The following CHSY3 variants were observed in gnomAD, a reference collection of about 807,000 sequenced individuals.
CHSY3 encodes N-acetylgalactosaminyl-proteoglycan 3-beta-glucuronosyltransferase 3.
CHSY3 carries 35 observed loss-of-function variants against 67.2 expected under a neutral mutation model. That is an observed-to-expected ratio of 0.52 (90% CI 0.40 to 0.69). The LOEUF (loss-of-function observed/expected upper bound fraction) is 0.69. Among genes scored for constraint, CHSY3 ranks in the 30% least tolerant of loss-of-function variants. CHSY3 has a pLI of 0.00. For synonymous variants in CHSY3, 474 were observed against 434.7 expected (o/e 1.09, Z -1.12); for missense variants, 1,069 against 1,138.5 (o/e 0.94, Z 0.88).
chr5:130,138,380 A>G (rs912641199), intron 2 of CHSY3, among the ~76,000 whole-genome samples: 1 of 152,200 alleles, frequency 6.6e-6, no homozygotes, highest in Non-Finnish European at 1.5e-5. Context: ...CTTTGTCCAG[A>G]ATGCCGGTGG....
chr5:130,159,074 A>T (rs548053489), intron 2 of CHSY3, among the ~76,000 whole-genome samples: 1 of 151,994 alleles, frequency 6.6e-6, no homozygotes, highest in Non-Finnish European at 1.5e-5. Context: ...TGCTGGGATT[A>T]CAGGCGTGAA....
chr5:130,132,148 C>G (rs369400901), intron 2 of CHSY3, among the ~76,000 whole-genome samples: 11 of 152,246 alleles, frequency 7.2e-5, no homozygotes, highest in African/African-American at 2.6e-4. Context: ...AGAATGTAAG[C>G]TCCATAGAGG....
chr5:130,106,042 T>C (rs1047343391), intron 2 of CHSY3, among the ~76,000 whole-genome samples: 3 of 151,782 alleles, frequency 2.0e-5, no homozygotes, highest in African/African-American at 7.2e-5. Flanking sequence ...GAAAATATTT[T>C]ACTCTAATAT....
chr5:129,927,728 G>T (rs1761163690), intron 2 of CHSY3, among the ~76,000 whole-genome samples: 1 of 151,866 alleles, frequency 6.6e-6, no homozygotes, highest in Non-Finnish European at 1.5e-5. Context: ...ATTTACACTT[G>T]TATTTTTTTT....
chr5:129,914,287 T>G (rs1760668231), intron 2 of CHSY3, among the ~76,000 whole-genome samples: 1 of 152,132 alleles, frequency 6.6e-6, no homozygotes, highest in South Asian at 2.1e-4. Flanking sequence ...ACTTTGTATT[T>G]TTTTTAGTAG....
intron 2 of CHSY3, among the ~76,000 whole-genome samples, chr5:129,934,910 C>A (rs534991428): frequency 3.4e-4 from 51 of 152,200 alleles, no homozygotes; most frequent in African/African-American, 1.2e-3. Flanking sequence ...AAATTTGGCA[C>A]TCCGAAATGC....
At chr5:130,017,303 G>A (rs1391609926) in intron 2 of CHSY3, among the ~76,000 whole-genome samples, 1 of 152,082 alleles carries the variant, frequency 6.6e-6, no homozygotes, top group African/African-American at 2.4e-5. Context: ...CAGCTGCATG[G>A]TGATTGGAAT....
chr5:130,157,598 T>C (rs1208505008), intron 2 of CHSY3, among the ~76,000 whole-genome samples: 1 of 151,870 alleles, frequency 6.6e-6, no homozygotes, highest in East Asian at 1.9e-4. Flanking sequence ...TAAAAAAGAG[T>C]CAACCGAACA....
At chr5:130,089,430 A>G (rs1325944237) in intron 2 of CHSY3, among the ~76,000 whole-genome samples, 9 of 152,084 alleles carry the variant, frequency 5.9e-5, no homozygotes, top group African/African-American at 2.2e-4. Context: ...CAGAAACTTC[A>G]TTTTAATAGA....
chr5:130,151,761 G>T (rs1044603654), intron 2 of CHSY3, among the ~76,000 whole-genome samples: 1 of 151,970 alleles, frequency 6.6e-6, no homozygotes, highest in East Asian at 1.9e-4. Context: ...GAACATCATG[G>T]GGGTAACCGC....
At chr5:129,953,207 C>A (rs1212525360) in intron 2 of CHSY3, among the ~76,000 whole-genome samples, 1 of 152,106 alleles carries the variant, frequency 6.6e-6, no homozygotes, top group African/African-American at 2.4e-5. Flanking sequence ...TCAACTCCCA[C>A]TAATGAGTGA....
intron 2 of CHSY3, among the ~76,000 whole-genome samples, chr5:129,965,771 G>A (rs1405895468): frequency 6.6e-6 from 1 of 151,902 alleles, no homozygotes; most frequent in Non-Finnish European, 1.5e-5. Flanking sequence ...AGAAATTGTA[G>A]AGATGTCTCA....
At chr5:130,020,461 A>ATATATATATATATATATTTTTT (rs1371121130) in intron 2 of CHSY3, among the ~76,000 whole-genome samples, 1 of 79,934 alleles carries the variant, frequency 1.3e-5, no homozygotes, top group African/African-American at 6.1e-5. Flanking sequence ...ATATATATAT[A>ATATATATATATATATATTTTTT]TTTTTTTTTT....
intron 2 of CHSY3, among the ~76,000 whole-genome samples, chr5:130,050,657 A>G (rs890261824): frequency 6.6e-6 from 1 of 152,142 alleles, no homozygotes; most frequent in Non-Finnish European, 1.5e-5. Flanking sequence ...CTGCAATCAC[A>G]TAGAGTTGGG....
intron 2 of CHSY3, among the ~76,000 whole-genome samples, chr5:130,144,044 AGATT>A (rs1453723496): frequency 6.6e-6 from 1 of 150,988 alleles, no homozygotes; most frequent in East Asian, 1.9e-4. Context: ...GGGTGTCTAG[AGATT>A]GATTGTAATG....
intron 2 of CHSY3, among the ~76,000 whole-genome samples, chr5:130,082,581 T>C (rs1455318242): frequency 1.3e-5 from 2 of 152,060 alleles, no homozygotes; most frequent in African/African-American, 4.8e-5. Flanking sequence ...TGCTAATCTC[T>C]GGATTAATCT....
At chr5:130,146,848 C>T (rs958939788) in intron 2 of CHSY3, among the ~76,000 whole-genome samples, 3 of 152,082 alleles carry the variant, frequency 2.0e-5, no homozygotes, top group African/African-American at 4.8e-5. Context: ...GGCTGGAGTG[C>T]AATGGCGCGA....
In CHSY3 at chr5:130,184,534, A is replaced by G. The variant is rs142115736; in HGVS notation, c.1392A>G (p.Ile464Met). 1.4e-4 allele frequency: 223 copies of G among 1,610,010 alleles called. No homozygotes were observed. The African/African-American group carries it at 2.6e-3, about 19-fold the overall frequency. ...AGCCTCGGGAGAGAAATGAAGTGAT[A>G]GAATGGGAGTTCCTGACAGGGAAGC... ...HFQPRERNEV[I>M]EWEFLTGKLL... Residue 464 changes from isoleucine to methionine, a missense_variant, in exon 3 of 3, where the codon ATA (isoleucine) becomes ATG (methionine). Ile to Met is a conservative substitution (Grantham distance 10). Transcript: ENST00000305031.
rs202200455 is a variant in CHSY3 at position 130,021,562 on chromosome 5, CT to C, written c.1086+113210del. Among the ~76,000 whole-genome samples the C allele has an allele frequency of 4.3e-3, 658 of 151,872 alleles. 8 individuals carry two copies. Among genetic ancestry groups the C allele is most frequent in the Middle Eastern group, 0.017 (5 of 292 alleles). Reference sequence around the variant, plus strand: ...AAGAATGTTCACACAACCTGTTTTTCTTTTTTTTCCCCCGTCTCACACTCTC... The same window carrying C: ...AAGAATGTTCACACAACCTGTTTTTCTTTTTTTCCCCCGTCTCACACTCTC... On this transcript the variant is annotated intron_variant, in intron 2 of 2. Transcript: ENST00000305031.
Sources: allele counts gnomAD v4.1 joint callset (sites outside exome capture counted in the v4.1 genomes callset), GRCh38; gene constraint gnomAD v4.1.1; transcripts MANE v1.5; gene names NCBI Gene and HGNC (gene_info 2026-07-23, HGNC 2026-07-21).